The following DPH6 variants were observed in gnomAD, a reference collection of about 807,000 sequenced individuals.
DPH6 encodes diphthine--ammonia ligase.
A neutral mutation model predicts 38.2 loss-of-function variants in DPH6; 33 were observed. That is an observed-to-expected ratio of 0.86 (90% CI 0.65 to 1.15). DPH6 has a LOEUF of 1.15. Among genes scored for constraint, DPH6 ranks in the 50% most tolerant of loss-of-function variants. The pLI is 0.00. For synonymous variants in DPH6, 108 were observed against 103.0 expected (o/e 1.05, Z -0.30); for missense variants, 325 against 320.0 (o/e 1.02, Z -0.12).
intron 3 of DPH6, among the ~76,000 whole-genome samples, chr15:35,246,154 C>T (rs552774373): frequency 6.6e-6 from 1 of 152,276 alleles, no homozygotes; most frequent in South Asian, 2.1e-4. Context: ...TCTCCCTTTG[C>T]TGACTCTCTT....
intron 3 of DPH6, among the ~76,000 whole-genome samples, chr15:35,355,520 G>T (rs193051856): frequency 6.6e-6 from 1 of 152,236 alleles, no homozygotes; most frequent in Non-Finnish European, 1.5e-5. Context: ...GTCTGTAAAG[G>T]ATTTTATTTC....
chr15:35,524,488 T>C (rs979688778), intron 3 of DPH6, among the ~76,000 whole-genome samples: 3 of 152,166 alleles, frequency 2.0e-5, no homozygotes, highest in African/African-American at 7.2e-5. Context: ...TATTGGTTTA[T>C]GTATGCACTA....
chr15:35,529,255 A>C (rs755972682), intron 3 of DPH6, among the ~76,000 whole-genome samples: 1 of 152,170 alleles, frequency 6.6e-6, no homozygotes, highest in African/African-American at 2.4e-5. Context: ...AGGCCTCAGG[A>C]AACTTACAAT....
At chr15:35,370,732 G>C (rs898383805), downstream of DPH6, 2 of 151,708 alleles carry the variant, frequency 1.3e-5, no homozygotes, top group African/African-American at 4.8e-5. Flanking sequence ...ATTCATTGTT[G>C]GTGGGAATAC....
chr15:35,146,586 A>G, the DPH6 span, among the ~76,000 whole-genome samples: 3 of 152,206 alleles, frequency 2.0e-5, no homozygotes, highest in African/African-American at 7.2e-5. Flanking sequence ...TTTGCCCTAT[A>G]TATTTTCTGT....
intron 4 of DPH6, among the ~76,000 whole-genome samples, chr15:35,453,897 T>G (rs2053965728): frequency 6.6e-6 from 1 of 152,092 alleles, no homozygotes; most frequent in South Asian, 2.1e-4. Context: ...ATTATATAAA[T>G]ACAGCCATTA....
At position 35,520,692 on chromosome 15, in the gene DPH6, C is replaced by T. The variant is rs16961177; in HGVS notation, c.312+17582G>A. 6.0e-3 allele frequency: 5,917 copies of T among 984,750 alleles called. 203 individuals are homozygous for T. The African/African-American group carries it at 0.08, about 13-fold the overall frequency. The allele number at this position is 984,750 out of a possible 1,614,324, so 61.0% of individuals were successfully genotyped here. ...AAAATAATATCCTGAATTGCTGAAC[C>T]TCTGTAGAAACATGGACATTAGCTG... is the stretch of plus-strand genomic sequence containing the variant. On this transcript the variant is annotated intron_variant, in intron 3 of 8. Transcript: ENST00000256538.
chr15:35,209,571 A>T, the DPH6 span, among the ~76,000 whole-genome samples: 1 of 152,216 alleles, frequency 6.6e-6, no homozygotes, highest in African/African-American at 2.4e-5. Context: ...ATAAAATATC[A>T]GAAAAATTGC....
At chr15:35,152,654 C>T in the DPH6 span, among the ~76,000 whole-genome samples, 1 of 152,104 alleles carries the variant, frequency 6.6e-6, no homozygotes, top group Non-Finnish European at 1.5e-5. Context: ...CATGTGCCAC[C>T]ACACCTGGCT....
chr15:35,498,124 A>G (rs1347280959), intron 3 of DPH6, among the ~76,000 whole-genome samples: 1 of 152,182 alleles, frequency 6.6e-6, no homozygotes, highest in Admixed American at 6.5e-5. Context: ...CTCTCCATTG[A>G]GTATAGAGAC....
intron 3 of DPH6, among the ~76,000 whole-genome samples, chr15:35,495,998 G>A (rs1351476250): frequency 1.3e-5 from 2 of 151,872 alleles, no homozygotes; most frequent in Non-Finnish European, 2.9e-5. Flanking sequence ...ATCCCTATGG[G>A]GAAAAAAATG....
the DPH6 span, among the ~76,000 whole-genome samples, chr15:35,175,514 T>C: frequency 1.3e-5 from 2 of 152,374 alleles, no homozygotes; most frequent in Admixed American, 1.3e-4. Flanking sequence ...GTTTTTGATA[T>C]GGGAACAAAA....
chr15:35,465,755 T>G (rs1341737527), intron 3 of DPH6, among the ~76,000 whole-genome samples: 3 of 152,176 alleles, frequency 2.0e-5, no homozygotes, highest in Non-Finnish European at 2.9e-5. Context: ...GACAGAATAT[T>G]AGGTCACTAA....
chr15:35,372,917 G>A (rs1479644639), intron 8 of DPH6, among the ~76,000 whole-genome samples: 1 of 151,818 alleles, frequency 6.6e-6, no homozygotes, highest in African/African-American at 2.4e-5. Flanking sequence ...CATTTTTATG[G>A]TAACTAATAT....
At chr15:35,346,176 T>C (rs906148563) in intron 3 of DPH6, among the ~76,000 whole-genome samples, 5 of 151,990 alleles carry the variant, frequency 3.3e-5, no homozygotes, top group Non-Finnish European at 5.9e-5. Flanking sequence ...CTTAACAGAA[T>C]CTAGATTATA....
chr15:35,312,010 GAA>G (rs10573455), intron 3 of DPH6, among the ~76,000 whole-genome samples: 45,256 of 103,416 alleles, frequency 0.44, 7,765 homozygotes, highest in East Asian at 0.72. Context: ...TTAAGAAAAT[GAA>G]AAAAAAAAAA....
At chr15:35,453,235 T>A (rs1334967103) in intron 4 of DPH6, among the ~76,000 whole-genome samples, 1 of 152,202 alleles carries the variant, frequency 6.6e-6, no homozygotes, top group East Asian at 1.9e-4. Flanking sequence ...TACCAGTGAT[T>A]GTGTTTTGAG....
intron 7 of DPH6, among the ~76,000 whole-genome samples, chr15:35,376,662 C>T (rs528800179): frequency 2.6e-5 from 4 of 152,166 alleles, no homozygotes; most frequent in East Asian, 3.9e-4. Flanking sequence ...ATGTTAAGTG[C>T]CCTGTACAGG....
chr15:35,431,793 GT>G (rs969346791), intron 5 of DPH6, among the ~76,000 whole-genome samples: 94 of 147,804 alleles, frequency 6.4e-4, no homozygotes, highest in African/African-American at 2.1e-3. Context: ...ACTTGGCAAA[GT>G]TTTTTTTTTT....
Sources: allele counts gnomAD v4.1 joint callset (sites outside exome capture counted in the v4.1 genomes callset), GRCh38; gene constraint gnomAD v4.1.1; transcripts MANE v1.5; gene names NCBI Gene and HGNC (gene_info 2026-07-23, HGNC 2026-07-21).